Variants in FGF14 observed in about 807,000 individuals in gnomAD.
The protein encoded by FGF14 is fibroblast growth factor homologous factor 4.
Under a neutral mutation model 25.5 loss-of-function variants are expected in FGF14, and 5 were observed. That is an observed-to-expected ratio of 0.20 (90% CI 0.10 to 0.41). FGF14 has a LOEUF of 0.41. Ranked by LOEUF, FGF14 falls within the 10% of genes least tolerant of loss-of-function variation. The pLI is 1.00. For missense variants in FGF14, 222 were observed against 320.1 expected (o/e 0.69, Z 2.34); for synonymous variants, 138 against 118.3 (o/e 1.17, Z -1.08).
At chr13:101,779,129 A>G (rs1266338941) in intron 3 of FGF14, 1 of 152,230 alleles carries the variant, frequency 6.6e-6, no homozygotes, top group Non-Finnish European at 1.5e-5. Flanking sequence ...CTAGTGAGAT[A>G]TATCACTTAA....
chr13:102,259,142 T>C (rs1340053020), intron 1 of FGF14, among the ~76,000 whole-genome samples: 2 of 152,212 alleles, frequency 1.3e-5, no homozygotes, highest in Non-Finnish European at 2.9e-5. Flanking sequence ...GTTGAAAGAC[T>C]TCAGTGGCTC....
intron 3 of FGF14, among the ~76,000 whole-genome samples, chr13:101,729,098 A>G (rs750372639): frequency 7.9e-5 from 12 of 152,112 alleles, no homozygotes; most frequent in Non-Finnish European, 1.6e-4. Flanking sequence ...TAGGACTCCA[A>G]AGAAGTCAAT....
intron 1 of FGF14, among the ~76,000 whole-genome samples, chr13:101,965,475 T>C (rs1451343298): frequency 4.6e-5 from 7 of 152,152 alleles, no homozygotes; most frequent in Admixed American, 2.0e-4. Flanking sequence ...AAAATTCTTA[T>C]CTGACTTGGA....
chr13:102,388,868 C>T (rs972552366), intron 1 of FGF14, among the ~76,000 whole-genome samples: 2 of 152,170 alleles, frequency 1.3e-5, no homozygotes, highest in African/African-American at 4.8e-5. Context: ...CACCACATCC[C>T]AGCTAATTCC....
chr13:102,319,807 G>A (rs900791659), intron 1 of FGF14, among the ~76,000 whole-genome samples: 15 of 152,304 alleles, frequency 9.8e-5, no homozygotes, highest in African/African-American at 3.4e-4. Context: ...TGACTGATAT[G>A]TGGATGATGA....
chr13:101,737,745 C>T (rs2036282902), intron 3 of FGF14, among the ~76,000 whole-genome samples: 1 of 151,894 alleles, frequency 6.6e-6, no homozygotes, highest in Non-Finnish European at 1.5e-5. Context: ...CCATACGCTT[C>T]TCTCCTTAGG....
At chr13:102,359,192 T>A (rs930344703) in intron 1 of FGF14, among the ~76,000 whole-genome samples, 12 of 152,100 alleles carry the variant, frequency 7.9e-5, no homozygotes, top group African/African-American at 2.7e-4. Context: ...AAGGAGATCA[T>A]CAAGATAAAT....
intron 1 of FGF14, among the ~76,000 whole-genome samples, chr13:102,301,298 T>C (rs967247365): frequency 6.6e-6 from 1 of 152,242 alleles, no homozygotes; most frequent in Non-Finnish European, 1.5e-5. Flanking sequence ...CATATTTATA[T>C]GGAGTTGACT....
chr13:101,838,789 A>C (rs2043053943), intron 3 of FGF14, among the ~76,000 whole-genome samples: 1 of 152,098 alleles, frequency 6.6e-6, no homozygotes, highest in Admixed American at 6.6e-5. Context: ...TACCTAATTA[A>C]AACTCCTAAA....
chr13:101,910,699 T>C (rs1222483943), intron 1 of FGF14, among the ~76,000 whole-genome samples: 1 of 152,126 alleles, frequency 6.6e-6, no homozygotes, highest in African/African-American at 2.4e-5. Context: ...GACATTTTCA[T>C]GTGATCTGAG....
chr13:102,366,679 A>C (rs1210977426), intron 1 of FGF14: 1 of 151,810 alleles, frequency 6.6e-6, no homozygotes, highest in Non-Finnish European at 1.5e-5. Flanking sequence ...TCCTGACAGT[A>C]AACTCTTAAT....
rs75872221 is a variant in FGF14, at chr13:102,040,896, T to C, written c.209-165600A>G. Among the ~76,000 whole-genome samples the C allele has an allele frequency of 3.7e-3, 565 of 152,270 alleles. 3 individuals carry two copies. Among genetic ancestry groups the C allele is most frequent in the Non-Finnish European group, 6.1e-3 (417 of 68,010 alleles). ...TAAGATGCTTGGATCCTCATTAAGA[T>C]TGAGGTCTTAGCTACCATATTTCTT... On this transcript the variant is annotated intron_variant, in intron 1 of 4. Coordinates refer to the FGF14 transcript ENST00000376131.
chr13:102,042,454 C>G (rs959434660), intron 1 of FGF14, among the ~76,000 whole-genome samples: 2 of 152,156 alleles, frequency 1.3e-5, no homozygotes, highest in African/African-American at 4.8e-5. Flanking sequence ...TAAGAGGCAC[C>G]TGTCACAGTA....
chr13:101,772,778 T>C (rs778334105), intron 3 of FGF14, among the ~76,000 whole-genome samples: 5 of 152,070 alleles, frequency 3.3e-5, no homozygotes, highest in Non-Finnish European at 7.4e-5. Context: ...AGGATTCTCT[T>C]TTATTAGGCA....
chr13:102,182,350 C>T (rs2048711434), intron 1 of FGF14, among the ~76,000 whole-genome samples: 1 of 152,162 alleles, frequency 6.6e-6, no homozygotes, highest in Non-Finnish European at 1.5e-5. Flanking sequence ...AGGGGCAGAG[C>T]CCTGCCGACG....
intron 1 of FGF14, among the ~76,000 whole-genome samples, chr13:102,279,005 T>C (rs2053692569): frequency 6.6e-6 from 1 of 152,190 alleles, no homozygotes; most frequent in Non-Finnish European, 1.5e-5. Context: ...ATTTGACATA[T>C]ATGAACTGGA....
intron 1 of FGF14, among the ~76,000 whole-genome samples, chr13:102,159,998 T>G (rs1171789152): frequency 5.9e-5 from 9 of 152,136 alleles, no homozygotes; most frequent in Non-Finnish European, 1.0e-4. Context: ...TGTGAAAACT[T>G]AGTATAGGTC....
intron 3 of FGF14, among the ~76,000 whole-genome samples, chr13:101,843,411 A>G (rs1334250738): frequency 6.6e-6 from 1 of 152,000 alleles, no homozygotes; most frequent in Non-Finnish European, 1.5e-5. Context: ...TGAGTCTGAC[A>G]GTGGGGGGCA....
intron 1 of FGF14, among the ~76,000 whole-genome samples, chr13:101,909,116 T>C (rs1024567358): frequency 6.6e-5 from 10 of 152,150 alleles, no homozygotes; most frequent in African/African-American, 2.4e-4. Context: ...ACTTAAACTT[T>C]AGACCTAAAA....
Sources: gnomAD v4.1 joint callset for allele counts (sites outside exome capture counted in the v4.1 genomes callset) on GRCh38, gnomAD v4.1.1 for gene constraint, MANE v1.5 for transcripts, NCBI Gene and HGNC (gene_info 2026-07-23, HGNC 2026-07-21) for gene names.